CCDC141: variants seen among roughly 807,000 people sequenced by gnomAD.
CCDC141 encodes the protein coiled-coil domain containing 141.
CCDC141 carries 168 observed loss-of-function variants against 181.0 expected under a neutral mutation model. The observed-to-expected ratio is 0.93, with a 90% CI of 0.82 to 1.05. The LOEUF is 1.05. CCDC141 is among the 50% of genes least tolerant of loss of function. The pLI is 0.00. For missense variants in CCDC141, 1,902 were observed against 1,788.5 expected (o/e 1.06, Z -1.14); for synonymous variants, 666 against 642.3 (o/e 1.04, Z -0.56).
chr2:179,032,976 TATTA>T (rs1356214055), intron 2 of CCDC141, among the ~76,000 whole-genome samples: 5 of 145,868 alleles, frequency 3.4e-5, no homozygotes, highest in African/African-American at 1.3e-4. Flanking sequence ...ATTTATACAT[TATTA>T]TATATCTCAG....
At chr2:179,005,311 A>AC (rs2042091230) in intron 2 of CCDC141, among the ~76,000 whole-genome samples, 1 of 38,256 alleles carries the variant, frequency 2.6e-5, no homozygotes, top group Non-Finnish European at 1.1e-4. Flanking sequence ...TATTTGGAGA[A>AC]TTTAAAAAAA....
Position 178,930,040 on chromosome 2 carries a change from T to G in CCDC141, c.898-11133A>C, listed in dbSNP as rs372436290. On this transcript the variant is annotated intron_variant, in intron 6 of 23. Transcript: ENST00000443758. ...TAGAAGGGGAAACTTGCAGATGATATGATCGTACATGCAGAAAACCCTAAG... is the reference window on the plus strand; with the variant it reads ...TAGAAGGGGAAACTTGCAGATGATAGGATCGTACATGCAGAAAACCCTAAG... Among the ~76,000 whole-genome samples the G allele has an allele frequency of 1.0e-3, 152 of 152,164 alleles. 4 individuals carry two copies. In the South Asian group the frequency reaches 0.03, roughly 30 times the overall value.
intron 5 of CCDC141, among the ~76,000 whole-genome samples, chr2:178,958,456 T>G (rs1293151445): frequency 1.3e-5 from 2 of 152,134 alleles, no homozygotes; most frequent in African/African-American, 4.8e-5. Context: ...TGCTCTGAAC[T>G]TAAAAGTGCT....
chr2:178,872,612 TTGAAG>T (rs1426113282), intron 12 of CCDC141, among the ~76,000 whole-genome samples: 1 of 152,186 alleles, frequency 6.6e-6, no homozygotes, highest in Non-Finnish European at 1.5e-5. Context: ...TCCATAATTT[TTGAAG>T]TGAAGATTTA....
At chr2:178,938,472 T>C (rs1689378051) in intron 6 of CCDC141, among the ~76,000 whole-genome samples, 1 of 152,146 alleles carries the variant, frequency 6.6e-6, no homozygotes, top group Non-Finnish European at 1.5e-5. Context: ...TTGGTATGAT[T>C]TCAGTTCTTT....
intron 14 of CCDC141, 90 bp from the exon 15 acceptor site, chr2:178,869,395 C>T: frequency 1.1e-6 from 1 of 890,866 alleles, no homozygotes; most frequent in Non-Finnish European, 1.6e-6. Flanking sequence ...CAATGAATCA[C>T]TCTTTCATTT....
At chr2:178,855,297 A>G (rs751539768) in intron 19 of CCDC141, 50 bp downstream of exon 19, 3 of 1,509,904 alleles carry the variant, frequency 2.0e-6, no homozygotes, top group East Asian at 4.6e-5. Context: ...TTGCAAAATG[A>G]TTTTTGAAAA....
chr2:178,828,654 AGTAAGTGGTTTCCTACCTTGTCTGCATT>A (rs1684160708), downstream of CCDC141, among the ~76,000 whole-genome samples: 1 of 152,140 alleles, frequency 6.6e-6, no homozygotes, highest in Non-Finnish European at 1.5e-5. Context: ...GACCCTGCCA[AGTAAGTGGTTTCCTACCTTGTCTGCATT>A]TCCAGCTGAC....
At chr2:178,940,476 G>GC (rs1558994912) in intron 6 of CCDC141, among the ~76,000 whole-genome samples, 1 of 152,170 alleles carries the variant, frequency 6.6e-6, no homozygotes, top group African/African-American at 2.4e-5. Flanking sequence ...CATATGTTGA[G>GC]CCCATTAGAG....
chr2:178,865,362 G>A (rs1685798994), intron 17 of CCDC141, among the ~76,000 whole-genome samples: 1 of 152,158 alleles, frequency 6.6e-6, no homozygotes, highest in Non-Finnish European at 1.5e-5. Flanking sequence ...CAGCAGGCTG[G>A]AGTTGGCTGC....
downstream of CCDC141, among the ~76,000 whole-genome samples, chr2:178,827,010 C>A (rs1257451772): frequency 3.9e-5 from 6 of 152,086 alleles, no homozygotes; most frequent in Non-Finnish European, 8.8e-5. Flanking sequence ...ACATTTTCCT[C>A]TACACACTAT....
chr2:178,914,814 AAAAT>A (rs760393150), intron 7 of CCDC141, among the ~76,000 whole-genome samples: 15 of 152,290 alleles, frequency 9.8e-5, no homozygotes, highest in Non-Finnish European at 2.1e-4. Flanking sequence ...TTTAAATAAT[AAAAT>A]AAATTATTGT....
intron 5 of CCDC141, among the ~76,000 whole-genome samples, chr2:178,957,697 C>G (rs148451400): frequency 6.6e-6 from 1 of 152,156 alleles, no homozygotes; most frequent in African/African-American, 2.4e-5. Context: ...GATGAACAAA[C>G]TGTGGTATAT....
chr2:178,941,144 A>G (rs1170617566), intron 6 of CCDC141, among the ~76,000 whole-genome samples: 1 of 152,028 alleles, frequency 6.6e-6, no homozygotes, highest in Admixed American at 6.6e-5. Flanking sequence ...GAGGACTTTA[A>G]CTCTCATCAT....
downstream of CCDC141, among the ~76,000 whole-genome samples, chr2:178,829,268 G>A (rs1201347398): frequency 1.3e-5 from 2 of 152,198 alleles, no homozygotes; most frequent in African/African-American, 4.8e-5. Flanking sequence ...AAGATAGGAA[G>A]TTAATTTTGT....
At chr2:179,002,525 T>G in intron 2 of CCDC141, 1 of 390,422 alleles carries the variant, frequency 2.6e-6, no homozygotes, top group Non-Finnish European at 5.0e-6. Context: ...CAATATGTGG[T>G]AAGAAAGGCC....
chr2:178,849,448 C>T (rs1034327700), intron 21 of CCDC141, among the ~76,000 whole-genome samples: 4 of 152,190 alleles, frequency 2.6e-5, no homozygotes, highest in Non-Finnish European at 4.4e-5. Flanking sequence ...GTTCTTTCAG[C>T]CAGCTATAAA....
intron 8 of CCDC141, among the ~76,000 whole-genome samples, chr2:178,902,633 C>G (rs1687757313): frequency 1.3e-5 from 2 of 151,994 alleles, no homozygotes; most frequent in Non-Finnish European, 2.9e-5. Context: ...TTAAACGTTA[C>G]ACCTAAAACC....
intron 2 of CCDC141, among the ~76,000 whole-genome samples, chr2:179,013,358 CT>C (rs2042325833): frequency 6.6e-6 from 1 of 152,150 alleles, no homozygotes; most frequent in South Asian, 2.1e-4. Context: ...AACTAAACCC[CT>C]TTTACAATGG....
Sources: allele counts gnomAD v4.1 joint callset (sites outside exome capture counted in the v4.1 genomes callset), GRCh38; gene constraint gnomAD v4.1.1; transcripts MANE v1.5; gene names NCBI Gene and HGNC (gene_info 2026-07-23, HGNC 2026-07-21).